The following PARD6G variants were observed in gnomAD, a reference collection of about 807,000 sequenced individuals.
PARD6G encodes the protein par-6 family cell polarity regulator gamma.
Under a neutral mutation model 10.7 loss-of-function variants are expected in PARD6G, and 7 were observed. The ratio of observed to expected loss-of-function variants is 0.66; its 90% confidence interval spans 0.37 to 1.23. The LOEUF (loss-of-function observed/expected upper bound fraction) is 1.23, where lower values mean the gene tolerates loss of function less well. Among genes scored for constraint, PARD6G ranks in the 50% most tolerant of loss-of-function variants. The pLI is 0.02. For synonymous variants in PARD6G, 287 were observed against 269.4 expected, an observed-to-expected ratio of 1.07 and a Z score of -0.64; for missense variants, 548 against 571.8, an observed-to-expected ratio of 0.96 and a Z score of 0.42.
In PARD6G at chr18:80,159,686, C is replaced by G. The variant is rs1375909642; in HGVS notation, c.*85G>C. 2 of 1,318,834 alleles carry G rather than the reference C, an allele frequency of 1.5e-6. No homozygotes were observed. The highest frequency in any genetic ancestry group is 3.2e-5 in the East Asian group (1 of 31,440). 81.7% of individuals were successfully genotyped at this position (1,318,834 alleles called of 1,614,324 possible). A position where few individuals can be genotyped will look rare whatever the true frequency, so the allele number is the denominator to read the frequency against. ...GTTGTTTTTGTGGTCACAAAAACAA[C>G]AAAAAATGAGCGGATGCAGTCTGCA... On this transcript the variant is annotated 3_prime_UTR_variant, in exon 3 of 3. Transcript: ENST00000353265.
At chr18:80,223,402 TAAAAG>T (rs983446950) in intron 1 of PARD6G, among the ~76,000 whole-genome samples, 10 of 152,268 alleles carry the variant, frequency 6.6e-5, no homozygotes, top group African/African-American at 2.2e-4. Context: ...TAAGGCATAT[TAAAAG>T]AAAACTCTTA....
intron 1 of PARD6G, among the ~76,000 whole-genome samples, chr18:80,209,551 C>T (rs977838318): frequency 1.3e-5 from 2 of 152,064 alleles, no homozygotes; most frequent in Non-Finnish European, 2.9e-5. Context: ...TGGCTCACAC[C>T]TGTAATCCCA....
In PARD6G at chr18:80,182,401, C is replaced by T. The variant is rs1362400138; in HGVS notation, c.295+20309G>A. ...AGGCCCTGAAGAACAGGTTCTGTGT[C>T]CACTTTAGATGCTGGAACTACACTT... On this transcript the variant is annotated intron_variant, in intron 2 of 2. Coordinates refer to ENST00000353265, the MANE Select transcript of PARD6G (RefSeq NM_032510.4). The surrounding 1 kb of genome is among the most constrained non-coding windows in gnomAD (Gnocchi z 4.5). 6.6e-6 allele frequency among the ~76,000 whole-genome samples: 1 copy of T among 152,214 alleles called. No homozygotes were observed. The highest frequency in any genetic ancestry group is 1.5e-5 in the Non-Finnish European group (1 of 68,032).
At chr18:80,203,102 A>G in intron 1 of PARD6G, 170 bp from the exon 2 acceptor site, 1 of 567,784 alleles carries the variant, frequency 1.8e-6, no homozygotes, top group East Asian at 3.2e-5. Flanking sequence ...TGCTATTATG[A>G]ATAGTGCTGG....
At chr18:80,164,675 AT>A (rs1464855831) in intron 2 of PARD6G, among the ~76,000 whole-genome samples, 1 of 152,218 alleles carries the variant, frequency 6.6e-6, no homozygotes, top group Non-Finnish European at 1.5e-5. Flanking sequence ...CGTAGGTTCT[AT>A]TTTCCATAAA....
rs2052702083 is a variant in PARD6G, at chr18:80,161,712, C to T, written c.296-1106G>A. Reference sequence around the variant, plus strand: ...GTGGAGTTGGTGGCATCCACAGCAGCCTGCTCTTTGGGCTGGGGAGGCTCA... The same window carrying T: ...GTGGAGTTGGTGGCATCCACAGCAGTCTGCTCTTTGGGCTGGGGAGGCTCA... On this transcript the variant is annotated intron_variant, in intron 2 of 2. Coordinates refer to ENST00000353265, the MANE Select transcript of PARD6G (RefSeq NM_032510.4). This position sits in a 1 kb window ranked among gnomAD's most constrained non-coding sequence, Gnocchi z 4.6. The T allele has an allele frequency of 1.3e-5, 2 of 152,212 alleles. No homozygotes were observed. The highest frequency in any genetic ancestry group is 4.1e-4 in the South Asian group (2 of 4,828). 9.4% of individuals were successfully genotyped at this position (152,212 alleles called of 1,614,324 possible). A position where few individuals can be genotyped will look rare whatever the true frequency, so the allele number is the denominator to read the frequency against.
chr18:80,221,118 G>T (rs1967223703), intron 1 of PARD6G, among the ~76,000 whole-genome samples: 2 of 152,086 alleles, frequency 1.3e-5, no homozygotes, highest in African/African-American at 4.8e-5. Context: ...GACCCAGATG[G>T]TTTCACTGGC....
rs569668089 is a variant in PARD6G at position 80,210,510 on chromosome 18, G to A, written c.73-7578C>T. 5.3e-5 allele frequency among the ~76,000 whole-genome samples: 8 copies of A among 152,280 alleles called. No homozygotes were observed. In the East Asian group the frequency reaches 9.7e-4, roughly 18 times the overall value. On this transcript the variant is annotated intron_variant, in intron 1 of 2. Transcript: ENST00000353265. ...AAAGCCCACACTCAGGACTGTCATC[G>A]TCAGACCTGTCTTGCAGCTCCAGGA... is the stretch of plus-strand genomic sequence containing the variant.
intron 1 of PARD6G, among the ~76,000 whole-genome samples, chr18:80,233,366 G>A (rs1967381249): frequency 6.6e-6 from 1 of 152,180 alleles, no homozygotes; most frequent in Non-Finnish European, 1.5e-5. Flanking sequence ...CCCCACAGCT[G>A]GGCCTGCACT....
At chr18:80,225,956 C>T (rs1967284153) in intron 1 of PARD6G, among the ~76,000 whole-genome samples, 1 of 152,108 alleles carries the variant, frequency 6.6e-6, no homozygotes, top group Non-Finnish European at 1.5e-5. Flanking sequence ...ACAAAGAAAA[C>T]CACTGTAATG....
chr18:80,218,102 G>A (rs925350797), intron 1 of PARD6G, among the ~76,000 whole-genome samples: 2 of 152,068 alleles, frequency 1.3e-5, no homozygotes, highest in African/African-American at 4.8e-5. Flanking sequence ...TGGGGACACA[G>A]CCACACCATA....
chr18:80,172,149 A>C (rs1026190700), intron 2 of PARD6G, among the ~76,000 whole-genome samples: 2 of 152,208 alleles, frequency 1.3e-5, no homozygotes, highest in Non-Finnish European at 2.9e-5. Flanking sequence ...TATTCCCCCC[A>C]GCAGTTCTGA....
intron 2 of PARD6G, among the ~76,000 whole-genome samples, chr18:80,196,464 G>A (rs774217137): frequency 6.6e-6 from 1 of 152,132 alleles, no homozygotes; most frequent in Non-Finnish European, 1.5e-5. Flanking sequence ...GATATGTTAG[G>A]TCTTTAAAGA....
At chr18:80,233,744 C>T (rs1967386421) in intron 1 of PARD6G, among the ~76,000 whole-genome samples, 1 of 152,162 alleles carries the variant, frequency 6.6e-6, no homozygotes, top group Admixed American at 6.5e-5. Flanking sequence ...CAGAAAGGGG[C>T]CTCTTGAGGG....
In PARD6G at chr18:80,160,358, C is replaced by T. The variant is rs769691134; in HGVS notation, c.544G>A (p.Val182Met). The change falls in exon 3 of 3, where the codon GTG (valine) becomes ATG (methionine). Residue 182 changes from valine (V) to methionine (M), a missense_variant. Val to Met is a conservative substitution (Grantham distance 21). Transcript: ENST00000353265. ...ACCTTCTCCAGCCCGTGCGGGGTCA[C>T]GCGCACGCTGGCGCCATCGCGGATG... ...FYIRDGASVRVTPHGLEKVPG... is the reference protein window; with the variant it reads ...FYIRDGASVRMTPHGLEKVPG... 26 of 1,611,112 alleles carry T rather than the reference C, an allele frequency of 1.6e-5. No individual in the cohort carries two copies. Among genetic ancestry groups the T allele is most frequent in the Non-Finnish European group, 2.1e-5 (25 of 1,179,618 alleles).
intron 1 of PARD6G, among the ~76,000 whole-genome samples, chr18:80,235,859 A>G (rs978135231): frequency 1.3e-5 from 2 of 152,204 alleles, no homozygotes; most frequent in African/African-American, 4.8e-5. Flanking sequence ...GCAATAATTA[A>G]TAGCTTAGCA....
chr18:80,182,879 T>TA lies in PARD6G; in HGVS notation c.295+19830dup. The stretch of plus-strand genomic sequence containing the variant: ...AATCTGATGTTATAGTTTTATTTCT[T>TA]AGTTCTAGGTACAGGGCTAGATGTT... On this transcript the variant is annotated intron_variant, in intron 2 of 2. Coordinates refer to ENST00000353265, the MANE Select transcript of PARD6G (RefSeq NM_032510.4). The surrounding 1 kb of genome is among the most constrained non-coding windows in gnomAD (Gnocchi z 4.5). 2.1e-6 allele frequency: 1 copy of TA among 482,860 alleles called. No individual in the cohort carries two copies. The highest frequency in any genetic ancestry group is 3.7e-6 in the Non-Finnish European group (1 of 273,312). The allele number at this position is 482,860 out of a possible 1,614,324, so 29.9% of individuals were successfully genotyped here.
intron 2 of PARD6G, chr18:80,177,972 TACACAC>T (rs3028716): frequency 9.2e-5 from 14 of 152,354 alleles, no homozygotes; most frequent in East Asian, 2.0e-4. Context: ...AGCGTGTGCA[TACACAC>T]ACACACACAC....
chr18:80,224,817 A>C (rs1445694616), intron 1 of PARD6G, among the ~76,000 whole-genome samples: 6 of 151,866 alleles, frequency 4.0e-5, no homozygotes, highest in African/African-American at 1.5e-4. Flanking sequence ...ACTGCTCTCC[A>C]GCCTGGTCGA....
Sources: gnomAD v4.1 joint callset for allele counts (sites outside exome capture counted in the v4.1 genomes callset) on GRCh38, gnomAD v4.1.1 for gene constraint, Gnocchi (gnomAD v3.1) non-coding constraint, MANE v1.5 for transcripts, NCBI Gene and HGNC (gene_info 2026-07-23, HGNC 2026-07-21) for gene names.